Variants in KIF5B observed in about 807,000 individuals in gnomAD.
KIF5B encodes the protein kinesin-1 heavy chain.
KIF5B carries 49 observed loss-of-function variants against 132.8 expected under a neutral mutation model. That is an observed-to-expected ratio of 0.37 (90% CI 0.29 to 0.47). KIF5B has a LOEUF of 0.47. Among genes scored for constraint, KIF5B ranks in the 20% least tolerant of loss-of-function variants. The pLI is 1.00. For synonymous variants in KIF5B, 355 were observed against 369.4 expected (o/e 0.96, Z 0.45); for missense variants, 780 against 1,144.0 (o/e 0.68, Z 4.59).
chr10:32,055,839 G>T lies in KIF5B; in HGVS notation c.126+9C>A. Reference sequence around the variant, plus strand: ...AGCGGGAGGAGGGATGCCGGCGGGGGTCACTCACCGCGATCACGACCGTGT... The same window carrying T: ...AGCGGGAGGAGGGATGCCGGCGGGGTTCACTCACCGCGATCACGACCGTGT... On this transcript the variant is annotated intron_variant, in intron 1 of 25. Coordinates refer to ENST00000302418, the MANE Select transcript of KIF5B (RefSeq NM_004521.3). 1 of 1,611,028 alleles carries T rather than the reference G, an allele frequency of 6.2e-7. No homozygotes were observed. Among genetic ancestry groups the T allele is most frequent in the East Asian group, 2.2e-5 (1 of 44,810 alleles).
At chr10:32,017,930 G>A in intron 23 of KIF5B, 122 bp downstream of exon 23, 1 of 505,790 alleles carries the variant, frequency 2.0e-6, no homozygotes, top group Non-Finnish European at 3.6e-6. Flanking sequence ...TATAATTTCT[G>A]ATAAAATGGC....
chr10:32,055,598 G>A (rs1841745597), intron 1 of KIF5B, among the ~76,000 whole-genome samples: 1 of 152,188 alleles, frequency 6.6e-6, no homozygotes, highest in East Asian at 1.9e-4. Context: ...CCCCAGGTGG[G>A]GGAGTGTCCA....
chr10:32,037,670 T>C, intron 6 of KIF5B, 63 bp from the exon 7 acceptor site: 1 of 1,285,444 alleles, frequency 7.8e-7, no homozygotes, highest in African/African-American at 1.5e-5. Flanking sequence ...CTTTCTCTAA[T>C]AAAAACACAA....
At chr10:32,038,729 A>G (rs952059722) in intron 5 of KIF5B, 49 bp downstream of exon 5, 2 of 982,668 alleles carry the variant, frequency 2.0e-6, no homozygotes, top group South Asian at 2.9e-5. Flanking sequence ...ATTATTAAAA[A>G]GGAATTAACA....
chr10:32,037,005 C>G (rs1160506947), intron 8 of KIF5B, among the ~76,000 whole-genome samples: 2 of 152,130 alleles, frequency 1.3e-5, no homozygotes, highest in African/African-American at 4.8e-5. Flanking sequence ...AACCAGTTCT[C>G]ACTATGAACA....
At chr10:32,033,744 C>G (rs1431665050) in intron 12 of KIF5B, 101 bp downstream of exon 12, 1 of 677,636 alleles carries the variant, frequency 1.5e-6, no homozygotes, top group Non-Finnish European at 2.5e-6. Flanking sequence ...GCATAAAGAT[C>G]CTAAGTGCCC....
At chr10:32,013,956 C>T (rs1396764856) in intron 25 of KIF5B, among the ~76,000 whole-genome samples, 1 of 152,166 alleles carries the variant, frequency 6.6e-6, no homozygotes, top group Non-Finnish European at 1.5e-5. Context: ...TTTCTTAATT[C>T]TCTACTCAAC....
intron 2 of KIF5B, among the ~76,000 whole-genome samples, chr10:32,043,032 G>A (rs889979470): frequency 3.9e-5 from 6 of 152,056 alleles, no homozygotes; most frequent in African/African-American, 1.5e-4. Flanking sequence ...CTGTCACCCA[G>A]GCTGGAGTGC....
chr10:32,024,154 T>C (rs1564464633), intron 15 of KIF5B, among the ~76,000 whole-genome samples: 2 of 121,428 alleles, frequency 1.6e-5, no homozygotes, highest in Non-Finnish European at 3.5e-5. Context: ...CTCTTTTTTT[T>C]TTTTTTTTTT....
At chr10:32,038,647 A>G in intron 5 of KIF5B, 131 bp downstream of exon 5, 1 of 574,248 alleles carries the variant, frequency 1.7e-6, no homozygotes, top group Non-Finnish European at 3.1e-6. Flanking sequence ...ACTTTAGAAG[A>G]AAAAAAATTT....
rs1199311362 is a variant in KIF5B at position 32,023,876 on chromosome 10, T to A, written c.1726-840A>T. On this transcript the variant is annotated intron_variant, in intron 15 of 25. Transcript: ENST00000302418. ...ACTCCAAATGGATCATAGATCTAAA[T>A]GTAAATGCAAAACTGAAAAAAAAAC... is the stretch of plus-strand genomic sequence containing the variant. 3.3e-5 allele frequency among the ~76,000 whole-genome samples: 5 copies of A among 151,922 alleles called. No individual in the cohort carries two copies. In the East Asian group the frequency reaches 5.8e-4, roughly 18 times the overall value.
At chr10:32,055,014 T>C (rs1013023981) in intron 1 of KIF5B, among the ~76,000 whole-genome samples, 4 of 152,238 alleles carry the variant, frequency 2.6e-5, no homozygotes, top group Non-Finnish European at 4.4e-5. Flanking sequence ...TTTATAAGTT[T>C]GTTTTTATAA....
chr10:32,044,103 A>G (rs1841577780), intron 2 of KIF5B, among the ~76,000 whole-genome samples: 1 of 152,152 alleles, frequency 6.6e-6, no homozygotes, highest in South Asian at 2.1e-4. Context: ...ACTCTGCCAC[A>G]TTCATATCCT....
chr10:32,017,729 C>G (rs1357499883), intron 23 of KIF5B, among the ~76,000 whole-genome samples: 3 of 152,104 alleles, frequency 2.0e-5, no homozygotes, highest in Non-Finnish European at 4.4e-5. Context: ...ACCACTCTCC[C>G]CAAAAGACTT....
Position 32,018,561 on chromosome 10 carries a change from C to A in KIF5B, c.2308G>T (p.Val770Phe). 1.2e-6 allele frequency: 2 copies of A among 1,609,244 alleles called. No homozygotes were observed. Among genetic ancestry groups the A allele is most frequent in the Admixed American group, 1.7e-5 (1 of 59,482 alleles). ...GCTTGTTCTCGTCTATCTTGCATAACCCTAACAGTAGAAGAACAAACATAT... is the reference window on the plus strand; with the variant it reads ...GCTTGTTCTCGTCTATCTTGCATAAACCTAACAGTAGAAGAACAAACATAT... ...EKSRKLHELTVMQDRREQARQ... is the reference protein window; with the variant it reads ...EKSRKLHELTFMQDRREQARQ... The change falls in exon 21 of 26, where the codon GTT becomes TTT. Residue 770 changes from valine to phenylalanine, a missense_variant and splice_region_variant. By Grantham distance (50) the Val-to-Phe change is conservative. Coordinates refer to ENST00000302418, the MANE Select transcript of KIF5B (RefSeq NM_004521.3).
At chr10:32,016,720 A>G (rs1181935039) in intron 24 of KIF5B, among the ~76,000 whole-genome samples, 1 of 151,998 alleles carries the variant, frequency 6.6e-6, no homozygotes, top group Non-Finnish European at 1.5e-5. Flanking sequence ...TTTTTTATTT[A>G]GTAGAGACAG....
intron 14 of KIF5B, among the ~76,000 whole-genome samples, chr10:32,029,026 T>C (rs1395389534): frequency 2.0e-5 from 3 of 152,202 alleles, no homozygotes; most frequent in East Asian, 1.9e-4. Context: ...AAAGAATCCA[T>C]GTGATAATAC....
intron 20 of KIF5B, 89 bp from the exon 21 acceptor site, chr10:32,018,651 A>G: frequency 1.0e-6 from 1 of 984,820 alleles, no homozygotes; most frequent in Admixed American, 2.5e-5. Flanking sequence ...TTTGTGTCTG[A>G]AAGGATAAAT....
chr10:32,040,644 CA>C (rs1841522420), intron 2 of KIF5B, among the ~76,000 whole-genome samples, 187 bp from the exon 3 acceptor site: 2 of 149,642 alleles, frequency 1.3e-5, no homozygotes, highest in Non-Finnish European at 3.0e-5. Context: ...CACACACACA[CA>C]CACACACACA....
Sources: gnomAD v4.1 joint callset for allele counts (sites outside exome capture counted in the v4.1 genomes callset) on GRCh38, gnomAD v4.1.1 for gene constraint, MANE v1.5 for transcripts, NCBI Gene and HGNC (gene_info 2026-07-23, HGNC 2026-07-21) for gene names.